Variants in SLC44A5 observed in about 807,000 individuals in gnomAD.
SLC44A5 encodes the protein choline transporter-like protein 5.
In SLC44A5, 57 loss-of-function variants were observed where a neutral mutation model predicts 101.8. That is an observed-to-expected ratio of 0.56 (90% confidence interval 0.45 to 0.70). The LOEUF is 0.70. SLC44A5 is among the 30% of genes least tolerant of loss of function. The pLI is 0.00. For missense variants in SLC44A5, 737 were observed against 853.1 expected (o/e 0.86, Z 1.70); for synonymous variants, 281 against 290.9 (o/e 0.97, Z 0.35).
At chr1:75,691,059 C>T in the SLC44A5 span, among the ~76,000 whole-genome samples, 1,614 of 152,122 alleles carry the variant, frequency 0.011, 29 homozygotes, top group African/African-American at 0.036. Context: ...CTTGAATACA[C>T]ATGCACCCCC....
In SLC44A5 at chr1:75,203,075, A is replaced by C. The variant is rs1390006115; in HGVS notation, c.*652T>G. 6.6e-6 allele frequency: 1 copy of C among 152,212 alleles called. No individual in the cohort carries two copies. Among genetic ancestry groups the C allele is most frequent in the African/African-American group, 2.4e-5 (1 of 41,466 alleles). 9.4% of individuals were successfully genotyped at this position (152,212 alleles called of 1,614,324 possible). A position where few individuals can be genotyped will look rare whatever the true frequency, so the allele number is the denominator to read the frequency against. ...AAATGCAATAAGACTTGTTTTAATC[A>C]CGAAACATTGCAGGTTTTAATTTTT... On this transcript the variant is annotated 3_prime_UTR_variant, in exon 24 of 24. Coordinates refer to ENST00000370859, the MANE Select transcript of SLC44A5 (RefSeq NM_001130058.2).
intron 2 of SLC44A5, chr1:75,538,082 T>C (rs1245462504): frequency 6.6e-6 from 1 of 152,230 alleles, no homozygotes; most frequent in Non-Finnish European, 1.5e-5. Flanking sequence ...TTCTCTGTAA[T>C]ATTCCAGTGT....
intron 2 of SLC44A5, among the ~76,000 whole-genome samples, chr1:75,418,466 G>C (rs1663798880): frequency 6.6e-6 from 1 of 152,140 alleles, no homozygotes; most frequent in African/African-American, 2.4e-5. Context: ...AAGTGTTCAG[G>C]GGGTAAAAAA....
intron 2 of SLC44A5, among the ~76,000 whole-genome samples, chr1:75,419,540 A>G (rs1663876157): frequency 6.6e-6 from 1 of 152,080 alleles, no homozygotes; most frequent in East Asian, 1.9e-4. Flanking sequence ...ATGAAGATGA[A>G]ATAAAGACTT....
chr1:75,449,209 G>T (rs1285492041), intron 2 of SLC44A5, among the ~76,000 whole-genome samples: 1 of 152,172 alleles, frequency 6.6e-6, no homozygotes, highest in East Asian at 1.9e-4. Context: ...GATTATTTGA[G>T]CTGGGGAAGT....
At position 75,597,908 on chromosome 1, in the gene SLC44A5, A is replaced by G. The variant is rs1481462756; in HGVS notation, c.-70+13132T>C. ...AAGATTTCATGATGAAGTTGTTAAA[A>G]GCAATTGCAACAAAAGAAAAAAATT... On this transcript the variant is annotated intron_variant, in intron 1 of 23. Transcript: ENST00000370859. Among the ~76,000 whole-genome samples, 3 of 152,316 alleles carry G rather than the reference A, an allele frequency of 2.0e-5. No homozygotes were observed. In the East Asian group the frequency reaches 5.8e-4, roughly 29 times the overall value.
intron 3 of SLC44A5, among the ~76,000 whole-genome samples, chr1:75,370,715 A>C (rs1371211701): frequency 6.6e-6 from 1 of 152,224 alleles, no homozygotes; most frequent in East Asian, 1.9e-4. Context: ...AGTATCACCA[A>C]AGAGGGTAAC....
the SLC44A5 span, among the ~76,000 whole-genome samples, chr1:75,716,949 G>A: frequency 3.3e-5 from 5 of 151,850 alleles, no homozygotes; most frequent in Admixed American, 1.3e-4. Flanking sequence ...CAGGAGAATC[G>A]TTTGAACCCG....
At chr1:75,677,604 A>G in the SLC44A5 span, 6 of 299,314 alleles carry the variant, frequency 2.0e-5, no homozygotes, top group Middle Eastern at 5.0e-4. Flanking sequence ...GAAAACTAAT[A>G]ACAAAATGGT....
chr1:75,629,418 G>A, the SLC44A5 span, among the ~76,000 whole-genome samples: 4 of 152,150 alleles, frequency 2.6e-5, no homozygotes. Context: ...CAAAGCCCAA[G>A]AATACTTCTC....
At chr1:75,579,770 T>G (rs542063577) in intron 1 of SLC44A5, among the ~76,000 whole-genome samples, 1 of 151,414 alleles carries the variant, frequency 6.6e-6, no homozygotes, top group Non-Finnish European at 1.5e-5. Context: ...GAAATGATTC[T>G]ATAGATTTTC....
At chr1:75,553,806 T>C (rs1369896637) in intron 1 of SLC44A5, among the ~76,000 whole-genome samples, 3 of 152,162 alleles carry the variant, frequency 2.0e-5, no homozygotes, top group Non-Finnish European at 4.4e-5. Flanking sequence ...AGGTTGCACA[T>C]GCATGGAATA....
intron 23 of SLC44A5, among the ~76,000 whole-genome samples, 181 bp from the exon 24 acceptor site, chr1:75,204,014 C>A (rs554407795): frequency 1.6e-3 from 246 of 152,008 alleles, no homozygotes; most frequent in Middle Eastern, 0.014. Context: ...TATGCGAAAA[C>A]AATAAGCCCT....
chr1:75,591,767 G>A (rs1674367009), intron 1 of SLC44A5, among the ~76,000 whole-genome samples: 1 of 151,534 alleles, frequency 6.6e-6, no homozygotes, highest in Admixed American at 6.6e-5. Flanking sequence ...CAGAATGAAG[G>A]ATAAAAATCA....
the SLC44A5 span, among the ~76,000 whole-genome samples, chr1:75,707,126 T>C: frequency 6.6e-6 from 1 of 152,318 alleles, no homozygotes; most frequent in African/African-American, 2.4e-5. Flanking sequence ...AAGAATAATA[T>C]GTATATAATA....
chr1:75,564,603 T>TTTTTTTTATTTATTTATTTA (rs369104614), intron 1 of SLC44A5, among the ~76,000 whole-genome samples: 40 of 138,068 alleles, frequency 2.9e-4, no homozygotes, highest in East Asian at 1.1e-3. Context: ...TTTTTTTAAT[T>TTTTTTTTATTTATTTATTTA]TTTATTTATT....
intron 2 of SLC44A5, among the ~76,000 whole-genome samples, chr1:75,435,154 G>A (rs998313266): frequency 6.6e-6 from 1 of 152,066 alleles, no homozygotes; most frequent in Non-Finnish European, 1.5e-5. Context: ...CTCTGTTACT[G>A]CCATATTTGG....
intron 3 of SLC44A5, among the ~76,000 whole-genome samples, chr1:75,376,307 A>G (rs574234283): frequency 1.6e-4 from 24 of 152,336 alleles, no homozygotes; most frequent in East Asian, 1.5e-3. Context: ...CAAAGCAGCC[A>G]GGAAGCTCCA....
intron 9 of SLC44A5, among the ~76,000 whole-genome samples, chr1:75,241,544 C>A (rs1451917059): frequency 2.0e-5 from 3 of 151,922 alleles, no homozygotes; most frequent in Non-Finnish European, 4.4e-5. Context: ...GTATACAGTT[C>A]ATAATTTTAA....
Sources: gnomAD v4.1 joint callset for allele counts (sites outside exome capture counted in the v4.1 genomes callset) on GRCh38, gnomAD v4.1.1 for gene constraint, MANE v1.5 for transcripts, NCBI Gene and HGNC (gene_info 2026-07-23, HGNC 2026-07-21) for gene names.